Variants in SLC24A3 observed in about 807,000 individuals in gnomAD.
SLC24A3 encodes the protein solute carrier family 24 member 3.
Under a neutral mutation model 75.8 loss-of-function variants are expected in SLC24A3, and 28 were observed. The ratio of observed to expected loss-of-function variants is 0.37; its 90% CI spans 0.27 to 0.51. The LOEUF is 0.51. SLC24A3 is among the 20% of genes least tolerant of loss of function. The pLI, the probability that SLC24A3 is intolerant of heterozygous loss-of-function variation, is 0.94. For synonymous variants in SLC24A3, 372 were observed against 334.1 expected (o/e 1.11, Z -1.24); for missense variants, 663 against 847.8 (o/e 0.78, Z 2.71).
At chr20:19,527,004 C>A (rs948427061) in intron 3 of SLC24A3, among the ~76,000 whole-genome samples, 2 of 151,970 alleles carry the variant, frequency 1.3e-5, no homozygotes, top group African/African-American at 4.8e-5. Flanking sequence ...TTCTCATAAA[C>A]CCCATGTATC....
At chr20:19,697,067 G>A (rs968708706) in intron 14 of SLC24A3, among the ~76,000 whole-genome samples, 156 bp downstream of exon 14, 1 of 151,832 alleles carries the variant, frequency 6.6e-6, no homozygotes, top group Non-Finnish European at 1.5e-5. Flanking sequence ...AGGAAAGAAG[G>A]AAGGAAGGGA....
chr20:19,584,924 G>A lies in SLC24A3; in HGVS notation c.424-47G>A, dbSNP rs146749402. On this transcript the variant is annotated intron_variant, in intron 4 of 16. Coordinates refer to ENST00000328041, the MANE Select transcript of SLC24A3 (RefSeq NM_020689.4). ...CGGGTGTCACAGTCACCTCTCTTCC[G>A]AGATGGAATCCCAACTCACCTGTGC... 5,292 of 1,564,300 alleles carry A rather than the reference G, an allele frequency of 3.4e-3. 22 individuals are homozygous for A. The highest frequency in any genetic ancestry group is 4.5e-3 in the Non-Finnish European group (5,084 of 1,141,868).
intron 1 of SLC24A3, among the ~76,000 whole-genome samples, chr20:19,216,960 C>T (rs1981576149): frequency 6.6e-6 from 1 of 152,230 alleles, no homozygotes. Flanking sequence ...CAACACCTCT[C>T]CCATGCCTGG....
Position 19,355,878 on chromosome 20 carries a change from A to G in SLC24A3, c.271+74791A>G, listed in dbSNP as rs150067222. Among the ~76,000 whole-genome samples the G allele has an allele frequency of 9.8e-5, 15 of 152,346 alleles. No individual in the cohort carries two copies. In the East Asian group the frequency reaches 2.9e-3, roughly 29 times the overall value. On this transcript the variant is annotated intron_variant, in intron 2 of 16. Coordinates refer to ENST00000328041, the MANE Select transcript of SLC24A3 (RefSeq NM_020689.4). ...TGATGATAAAGTCATGGAAATTGCT[A>G]ACACTGTGTGGTGTGCTGCCTACAT...
At chr20:19,332,837 C>T (rs1422261133) in intron 2 of SLC24A3, among the ~76,000 whole-genome samples, 1 of 152,194 alleles carries the variant, frequency 6.6e-6, no homozygotes, top group African/African-American at 2.4e-5. Flanking sequence ...GGGTTCTCTT[C>T]TCTGCCTCTA....
At chr20:19,342,629 A>G (rs1486739808) in intron 2 of SLC24A3, among the ~76,000 whole-genome samples, 1 of 152,234 alleles carries the variant, frequency 6.6e-6, no homozygotes, top group Non-Finnish European at 1.5e-5. Context: ...GTTAAGAAGG[A>G]GTTTCTAGTG....
chr20:19,637,487 TA>T (rs1454914637), intron 6 of SLC24A3, among the ~76,000 whole-genome samples: 1 of 152,234 alleles, frequency 6.6e-6, no homozygotes, highest in Non-Finnish European at 1.5e-5. Flanking sequence ...CATAAGAACA[TA>T]ATCTTTTGAA....
intron 2 of SLC24A3, among the ~76,000 whole-genome samples, chr20:19,341,715 A>G (rs763086317): frequency 2.0e-5 from 3 of 152,204 alleles, no homozygotes; most frequent in Non-Finnish European, 4.4e-5. Flanking sequence ...GCAGTTTCCC[A>G]TCCTGTAGAC....
chr20:19,536,904 A>C (rs551480643), intron 3 of SLC24A3, among the ~76,000 whole-genome samples: 1 of 152,328 alleles, frequency 6.6e-6, no homozygotes, highest in African/African-American at 2.4e-5. Flanking sequence ...TACATGTTAC[A>C]CCTAAAACCA....
chr20:19,485,813 A>G (rs1988119460), intron 2 of SLC24A3, among the ~76,000 whole-genome samples: 1 of 152,148 alleles, frequency 6.6e-6, no homozygotes, highest in Non-Finnish European at 1.5e-5. Context: ...ATCTCAACAG[A>G]AACAAAGTGC....
At chr20:19,619,434 T>G (rs2031776934) in intron 6 of SLC24A3, among the ~76,000 whole-genome samples, 1 of 152,198 alleles carries the variant, frequency 6.6e-6, no homozygotes. Context: ...ACTATGCATA[T>G]GATTTCAGCC....
At chr20:19,530,464 C>T (rs1031142421) in intron 3 of SLC24A3, among the ~76,000 whole-genome samples, 2 of 152,188 alleles carry the variant, frequency 1.3e-5, no homozygotes, top group African/African-American at 2.4e-5. Context: ...TGTTGATTTC[C>T]ATGACAGCTC....
chr20:19,307,026 G>A (rs1568584879), intron 2 of SLC24A3, among the ~76,000 whole-genome samples: 1 of 152,146 alleles, frequency 6.6e-6, no homozygotes, highest in Non-Finnish European at 1.5e-5. Flanking sequence ...GGCTCTGGCT[G>A]TTCTCTTCCC....
rs377528426 is a variant in SLC24A3 at position 19,471,124 on chromosome 20, G to C, written c.272-44364G>C. On this transcript the variant is annotated intron_variant, in intron 2 of 16. Coordinates refer to ENST00000328041, the MANE Select transcript of SLC24A3 (RefSeq NM_020689.4). ...TGTGGTATTTTGACGTTTTGGGGTA[G>C]AGATGTCTTGAGGGCTTGAAGAAGA... Among the ~76,000 whole-genome samples the C allele has an allele frequency of 1.0e-3, 155 of 152,266 alleles. 1 individual carries two copies. The highest frequency in any genetic ancestry group is 3.6e-3 in the African/African-American group (148 of 41,556).
At chr20:19,343,635 T>C (rs1985326765) in intron 2 of SLC24A3, among the ~76,000 whole-genome samples, 1 of 152,122 alleles carries the variant, frequency 6.6e-6, no homozygotes, top group East Asian at 1.9e-4. Context: ...TTTGGAATTG[T>C]GCAGACAGAG....
chr20:19,244,396 T>A (rs1486927431), intron 1 of SLC24A3: 1 of 152,212 alleles, frequency 6.6e-6, no homozygotes, highest in Non-Finnish European at 1.5e-5. Flanking sequence ...AGTGGGGAGC[T>A]GGACATTAGC....
chr20:19,698,514 G>A lies in SLC24A3; in HGVS notation c.1607-54G>A, dbSNP rs73900721. ...GAGACTAAAGGCTTGGGAGAGTCCT[G>A]TGTGGGGCCCCTGGGTTCCCTTCCC... On this transcript the variant is annotated intron_variant, in intron 14 of 16. Coordinates refer to ENST00000328041, the MANE Select transcript of SLC24A3 (RefSeq NM_020689.4). The A allele has an allele frequency of 2.8e-6, 4 of 1,404,830 alleles. No individual in the cohort carries two copies. The African/African-American group carries it at 4.3e-5, about 15-fold the overall frequency. 87.0% of individuals were successfully genotyped at this position (1,404,830 alleles called of 1,614,324 possible).
intron 2 of SLC24A3, among the ~76,000 whole-genome samples, chr20:19,393,578 G>A (rs560114176): frequency 6.6e-6 from 1 of 151,978 alleles, no homozygotes; most frequent in Non-Finnish European, 1.5e-5. Context: ...AGCTGAAAAT[G>A]AAACCAAGAA....
At chr20:19,481,749 C>T (rs190670509) in intron 2 of SLC24A3, among the ~76,000 whole-genome samples, 106 of 152,164 alleles carry the variant, frequency 7.0e-4, no homozygotes, top group Admixed American at 1.8e-3. Flanking sequence ...ACAGAGAGCC[C>T]GGGGAGTGCT....
Sources: gnomAD v4.1 joint callset for allele counts (sites outside exome capture counted in the v4.1 genomes callset) on GRCh38, gnomAD v4.1.1 for gene constraint, MANE v1.5 for transcripts, NCBI Gene and HGNC (gene_info 2026-07-23, HGNC 2026-07-21) for gene names.